Variants in GLI2 observed in about 807,000 individuals in gnomAD.
GLI2 encodes transcription activator GLI2.
Under a neutral mutation model 78.9 loss-of-function variants are expected in GLI2, and 22 were observed. The observed-to-expected ratio is 0.28, with a 90% CI of 0.20 to 0.40. GLI2 has a LOEUF of 0.40. Ranked by LOEUF, GLI2 falls within the 10% of genes least tolerant of loss-of-function variation. The pLI is 1.00. For missense variants in GLI2, 2,097 were observed against 2,213.2 expected, an observed-to-expected ratio of 0.95 and a Z score of 1.05; for synonymous variants, 974 against 963.7, an observed-to-expected ratio of 1.01 and a Z score of -0.20.
intron 2 of GLI2, among the ~76,000 whole-genome samples, chr2:120,896,589 G>A (rs932053447): frequency 6.6e-6 from 1 of 151,726 alleles, no homozygotes; most frequent in Non-Finnish European, 1.5e-5. Context: ...TGTTTTGAAG[G>A]TGGAAGTGTC....
chr2:120,782,454 A>G (rs1443129133), intron 1 of GLI2, among the ~76,000 whole-genome samples: 2 of 152,194 alleles, frequency 1.3e-5, no homozygotes, highest in Non-Finnish European at 2.9e-5. Flanking sequence ...TGGAGCATCA[A>G]ATTGTTAGCT....
chr2:120,854,924 G>C (rs1687575238), intron 2 of GLI2, among the ~76,000 whole-genome samples: 1 of 152,202 alleles, frequency 6.6e-6, no homozygotes, highest in Non-Finnish European at 1.5e-5. Flanking sequence ...TTCAGCCCAG[G>C]GCTGGGCACT....
chr2:120,911,714 G>T (rs1678828477), intron 2 of GLI2, among the ~76,000 whole-genome samples: 1 of 152,110 alleles, frequency 6.6e-6, no homozygotes, highest in African/African-American at 2.4e-5. Context: ...AGTATCGTCT[G>T]CCTGCGGTGG....
In GLI2 at chr2:120,978,438, TCAA is replaced by T. The variant is rs1480748942; in HGVS notation, c.1327_1329del (p.Asn443del). 1 of 1,613,968 alleles carries T rather than the reference TCAA, an allele frequency of 6.2e-7. No individual in the cohort carries two copies. The highest frequency in any genetic ancestry group is 1.7e-5 in the Admixed American group (1 of 60,012). Reference sequence around the variant, plus strand: ...CTGGGCATGTCCCTCCGGCAGCACATCAACAACGAGCACATCCACGGGGAGAAG... The same window carrying T: ...CTGGGCATGTCCCTCCGGCAGCACATCAACGAGCACATCCACGGGGAGAAG... On this transcript the variant is annotated inframe_deletion, in exon 10 of 14. Transcript: ENST00000361492.
intron 5 of GLI2, among the ~76,000 whole-genome samples, chr2:120,965,154 G>T (rs1370444881): frequency 1.3e-5 from 2 of 151,880 alleles, no homozygotes; most frequent in Non-Finnish European, 2.9e-5. Flanking sequence ...TGCTGCAGCA[G>T]AGGGGCACAC....
chr2:120,901,698 C>A (rs1159370130), intron 2 of GLI2, among the ~76,000 whole-genome samples: 1 of 152,200 alleles, frequency 6.6e-6, no homozygotes, highest in Admixed American at 6.5e-5. Context: ...CTAACCACTT[C>A]CCCCTTGTTG....
rs145910812 is a variant in GLI2 at position 120,779,338 on chromosome 2, G to T, written c.-30-17953G>T. Among the ~76,000 whole-genome samples, 1,441 of 152,290 alleles carry T rather than the reference G, an allele frequency of 9.5e-3. 12 individuals carry two copies. The highest frequency in any genetic ancestry group is 0.015 in the Non-Finnish European group (1,015 of 68,028). On this transcript the variant is annotated intron_variant, in intron 1 of 13. Transcript: ENST00000361492. ...TGCTGACGAAGGATCTTACACCAGG[G>T]TGTGTGTGAGCCCCTGGCCAGTGCT... is the stretch of plus-strand genomic sequence containing the variant.
chr2:120,961,005 G>A lies in GLI2; in HGVS notation c.643+5575G>A, dbSNP rs369756358. Among the ~76,000 whole-genome samples, 33 of 152,276 alleles carry A rather than the reference G, an allele frequency of 2.2e-4. No homozygotes were observed. The South Asian group carries it at 6.0e-3, about 28-fold the overall frequency. On this transcript the variant is annotated intron_variant, in intron 5 of 13. Transcript: ENST00000361492. ...TCTGCTGAGCGGCTCCCTGGAGAGC[G>A]GAGAATTCACTGGTTGTCACCCGGG... is the stretch of plus-strand genomic sequence containing the variant.
intron 2 of GLI2, among the ~76,000 whole-genome samples, chr2:120,823,773 T>C (rs895495854): frequency 6.6e-6 from 1 of 152,164 alleles, no homozygotes; most frequent in Non-Finnish European, 1.5e-5. Flanking sequence ...CCCTGGGAGC[T>C]TGTGGCATGT....
intron 13 of GLI2, among the ~76,000 whole-genome samples, 179 bp from the exon 14 acceptor site, chr2:120,988,029 G>T (rs975919223): frequency 6.6e-6 from 1 of 152,186 alleles, no homozygotes; most frequent in Non-Finnish European, 1.5e-5. Context: ...GGAGTTCAAG[G>T]CCAGCCTGGG....
At chr2:120,746,356 T>G (rs1682693014) in intron 1 of GLI2, among the ~76,000 whole-genome samples, 1 of 152,172 alleles carries the variant, frequency 6.6e-6, no homozygotes, top group South Asian at 2.1e-4. Context: ...GGCAGCCTTG[T>G]GGAGCACCTG....
intron 2 of GLI2, among the ~76,000 whole-genome samples, chr2:120,859,614 C>G (rs1434001728): frequency 6.6e-6 from 1 of 151,992 alleles, no homozygotes; most frequent in African/African-American, 2.4e-5. Context: ...ACCACCGTAC[C>G]CAGCTAATTT....
chr2:120,765,735 G>A (rs537469124), intron 1 of GLI2, among the ~76,000 whole-genome samples: 1 of 152,212 alleles, frequency 6.6e-6, no homozygotes, highest in Non-Finnish European at 1.5e-5. Flanking sequence ...GGGCCCCCTT[G>A]GCCTAGCAAA....
At position 120,798,067 on chromosome 2, in the gene GLI2, G is replaced by A. The variant is rs866492433; in HGVS notation, c.148+599G>A. On this transcript the variant is annotated intron_variant, in intron 2 of 13. Coordinates refer to ENST00000361492, the MANE Select transcript of GLI2 (RefSeq NM_001374353.1). Reference sequence around the variant, plus strand: ...CGTTGGGAAAGTTTGGCGGGAAGGCGAGACCTCCGCTGTGTCTGCACAGTC... The same window carrying A: ...CGTTGGGAAAGTTTGGCGGGAAGGCAAGACCTCCGCTGTGTCTGCACAGTC... 2.2e-4 allele frequency among the ~76,000 whole-genome samples: 34 copies of A among 152,246 alleles called. No individual in the cohort carries two copies. In the Middle Eastern group the frequency reaches 0.014, roughly 61 times the overall value.
At chr2:120,963,044 A>G (rs7349266) in intron 5 of GLI2, among the ~76,000 whole-genome samples, 121,938 of 152,106 alleles carry the variant, frequency 0.8, 52,956 homozygotes, top group East Asian at 1. Flanking sequence ...CAGTAAATAA[A>G]AACCCAGAAG....
rs764596897 is a variant in GLI2, at chr2:120,956,769, G to A, written c.643+1339G>A. On this transcript the variant is annotated intron_variant, in intron 5 of 13. Coordinates refer to ENST00000361492, the MANE Select transcript of GLI2 (RefSeq NM_001374353.1). ...GGGCAGCCCTGGTGCCTGCAGGGCC[G>A]TGCAGCCTGTAGCAGGTTGGGGTGG... Among the ~76,000 whole-genome samples, 20 of 152,188 alleles carry A rather than the reference G, an allele frequency of 1.3e-4. No individual in the cohort carries two copies. The South Asian group carries it at 2.3e-3, about 17-fold the overall frequency.
At chr2:120,848,673 A>G (rs1176760260) in intron 2 of GLI2, among the ~76,000 whole-genome samples, 3 of 152,138 alleles carry the variant, frequency 2.0e-5, no homozygotes, top group Non-Finnish European at 2.9e-5. Context: ...CTGCATTTCT[A>G]CTAAAAATAG....
At chr2:120,771,368 C>T (rs1479440764) in intron 1 of GLI2, among the ~76,000 whole-genome samples, 1 of 152,234 alleles carries the variant, frequency 6.6e-6, no homozygotes, top group African/African-American at 2.4e-5. Context: ...GCTCTGTGAC[C>T]TCGGGCAAAT....
intron 2 of GLI2, among the ~76,000 whole-genome samples, chr2:120,904,548 G>A (rs1251185944): frequency 6.6e-6 from 1 of 152,202 alleles, no homozygotes; most frequent in Non-Finnish European, 1.5e-5. Flanking sequence ...TGTGAGCCAT[G>A]GAGCGGCCTG....
Sources: allele counts gnomAD v4.1 joint callset (sites outside exome capture counted in the v4.1 genomes callset), GRCh38; gene constraint gnomAD v4.1.1; transcripts MANE v1.5; gene names NCBI Gene and HGNC (gene_info 2026-07-23, HGNC 2026-07-21).